Variants in LPP observed in about 807,000 individuals in gnomAD.
LPP encodes the protein LIM domain containing preferred translocation partner in lipoma, also known as lipoma-preferred partner.
Under a neutral mutation model 60.4 loss-of-function variants are expected in LPP, and 38 were observed. That is an observed-to-expected ratio of 0.63 (90% confidence interval 0.49 to 0.83). LPP has a LOEUF of 0.83. LPP is among the 40% of genes least tolerant of loss of function. The probability of loss-of-function intolerance (pLI) is 0.00; values close to 1 mark genes in which losing one functional copy is unlikely to be tolerated. For synonymous variants in LPP, 328 were observed against 290.8 expected (o/e 1.13, Z -1.30); for missense variants, 902 against 783.6 (o/e 1.15, Z -1.80).
chr3:188,605,433 A>G (rs1842201543), intron 6 of LPP, among the ~76,000 whole-genome samples: 1 of 152,132 alleles, frequency 6.6e-6, no homozygotes, highest in Admixed American at 6.6e-5. Flanking sequence ...CCAAATGAAA[A>G]GCAGATCAGG....
rs369141161 is a variant in LPP, at chr3:188,496,076, C to T, written c.306+11372C>T. 7.0e-4 allele frequency among the ~76,000 whole-genome samples: 106 copies of T among 152,172 alleles called. 4 individuals are homozygous for T. In the South Asian group the frequency reaches 0.021, roughly 30 times the overall value. On this transcript the variant is annotated intron_variant, in intron 5 of 11. Transcript: ENST00000617246. ...ATTATCATTATTTTATCATTAACTT[C>T]TGTGAGTTTGACTTGTACAGGGCCT...
At chr3:188,239,628 A>G (rs1236849276) in intron 2 of LPP, among the ~76,000 whole-genome samples, 2 of 152,106 alleles carry the variant, frequency 1.3e-5, no homozygotes, top group African/African-American at 4.8e-5. Context: ...TGACATTTTT[A>G]GTTTCTGAAC....
intron 10 of LPP, among the ~76,000 whole-genome samples, chr3:188,866,843 G>A (rs1190423220): frequency 6.6e-6 from 1 of 152,116 alleles, no homozygotes; most frequent in African/African-American, 2.4e-5. Context: ...CCACTCTACT[G>A]ATAGGGAGTT....
chr3:188,842,982 T>C (rs1760408206), intron 9 of LPP, among the ~76,000 whole-genome samples: 2 of 152,248 alleles, frequency 1.3e-5, no homozygotes, highest in Admixed American at 1.3e-4. Flanking sequence ...TCACACCATA[T>C]TTATTTTTTG....
intron 1 of LPP, among the ~76,000 whole-genome samples, chr3:188,197,193 G>A (rs981732750): frequency 1.3e-5 from 2 of 152,180 alleles, no homozygotes; most frequent in African/African-American, 4.8e-5. Context: ...TGACATTTAA[G>A]ATTGGCCTTC....
At chr3:188,770,164 A>AATT (rs1161792078) in intron 9 of LPP, among the ~76,000 whole-genome samples, 1 of 140,898 alleles carries the variant, frequency 7.1e-6, no homozygotes, top group African/African-American at 2.7e-5. Flanking sequence ...TCATAGTTAT[A>AATT]ATTCTTTTTT....
At chr3:188,172,625 G>A (rs1308235394) in intron 1 of LPP, among the ~76,000 whole-genome samples, 1 of 152,090 alleles carries the variant, frequency 6.6e-6, no homozygotes, top group African/African-American at 2.4e-5. Flanking sequence ...TGATAGAAAA[G>A]TAAAAATTGT....
intron 7 of LPP, among the ~76,000 whole-genome samples, chr3:188,613,089 T>C (rs1249069825): frequency 6.6e-6 from 1 of 152,058 alleles, no homozygotes; most frequent in Non-Finnish European, 1.5e-5. Context: ...TGAAAAATAG[T>C]GTTATAAATA....
Position 188,525,283 on chromosome 3 carries a change from C to T in LPP, c.429+496C>T, listed in dbSNP as rs183836842. Reference sequence around the variant, plus strand: ...CCCGGCCCTTTTATTCTTTCTTGATCTTCTTAGAGTCAATGATTTAAGTTG... The same window carrying T: ...CCCGGCCCTTTTATTCTTTCTTGATTTTCTTAGAGTCAATGATTTAAGTTG... On this transcript the variant is annotated intron_variant, in intron 6 of 11. Transcript: ENST00000617246. 1.2e-4 allele frequency among the ~76,000 whole-genome samples: 18 copies of T among 152,240 alleles called. No individual in the cohort carries two copies. The East Asian group carries it at 3.3e-3, about 28-fold the overall frequency.
rs56135804 is a variant in LPP at position 188,861,892 on chromosome 3, G to T, written c.1411-4308G>T. On this transcript the variant is annotated intron_variant, in intron 9 of 11. Transcript: ENST00000617246. The stretch of plus-strand genomic sequence containing the variant: ...AATCTGCTTTTTTCTGCTACTCTAC[G>T]TCCTTTCATTTTAACCATACTTTCA... Among the ~76,000 whole-genome samples, 7 of 149,276 alleles carry T rather than the reference G, an allele frequency of 4.7e-5. No homozygotes were observed. In the South Asian group the frequency reaches 1.5e-3, roughly 32 times the overall value.
At chr3:188,706,108 T>C (rs528587652) in intron 7 of LPP, among the ~76,000 whole-genome samples, 3 of 152,334 alleles carry the variant, frequency 2.0e-5, no homozygotes, top group South Asian at 4.1e-4. Context: ...ATTCAGTAGC[T>C]TCTCTAATCC....
chr3:188,620,422 AGTC>A (rs1174091143), intron 7 of LPP, among the ~76,000 whole-genome samples: 2 of 152,272 alleles, frequency 1.3e-5, no homozygotes, highest in Middle Eastern at 3.4e-3. Context: ...TACTATATAT[AGTC>A]TTTTGTTACT....
At chr3:188,824,457 T>G (rs1325344234) in intron 9 of LPP, among the ~76,000 whole-genome samples, 1 of 152,174 alleles carries the variant, frequency 6.6e-6, no homozygotes, top group Non-Finnish European at 1.5e-5. Context: ...GCTACAATAT[T>G]GGACAGTGCA....
intron 7 of LPP, among the ~76,000 whole-genome samples, chr3:188,658,052 G>T (rs762849428): frequency 2.6e-5 from 4 of 151,350 alleles, no homozygotes; most frequent in Non-Finnish European, 4.4e-5. Flanking sequence ...CACAGTGACA[G>T]TGACAACGAA....
At chr3:188,528,252 C>T (rs1821190543) in intron 6 of LPP, among the ~76,000 whole-genome samples, 1 of 152,118 alleles carries the variant, frequency 6.6e-6, no homozygotes, top group Admixed American at 6.5e-5. Flanking sequence ...TGGTCTCAAT[C>T]TCCTGACCTC....
intron 9 of LPP, among the ~76,000 whole-genome samples, chr3:188,814,641 G>A (rs930112871): frequency 1.3e-5 from 2 of 152,118 alleles, no homozygotes; most frequent in African/African-American, 2.4e-5. Flanking sequence ...GTAGTATCAG[G>A]TTTATTGTGA....
At chr3:188,153,808 C>T (rs1215017560), upstream of LPP, 1 of 149,896 alleles carries the variant, frequency 6.7e-6, no homozygotes, top group Non-Finnish European at 1.5e-5. Flanking sequence ...ATTCAGGCCC[C>T]TGACGTCAGC....
intron 7 of LPP, among the ~76,000 whole-genome samples, chr3:188,643,362 G>T (rs559009405): frequency 1.3e-5 from 2 of 152,250 alleles, no homozygotes; most frequent in East Asian, 3.9e-4. Flanking sequence ...TTCTTCATTT[G>T]TCTTAGGCTT....
intron 7 of LPP, among the ~76,000 whole-genome samples, chr3:188,688,445 G>A (rs1861349278): frequency 6.6e-6 from 1 of 152,264 alleles, no homozygotes; most frequent in African/African-American, 2.4e-5. Flanking sequence ...TCCCTTCTTG[G>A]CTTTGTTTGC....
Sources: gnomAD v4.1 joint callset for allele counts (sites outside exome capture counted in the v4.1 genomes callset) on GRCh38, gnomAD v4.1.1 for gene constraint, MANE v1.5 for transcripts, NCBI Gene and HGNC (gene_info 2026-07-23, HGNC 2026-07-21) for gene names.